The following GPR107 variants were observed in gnomAD, a reference collection of about 807,000 sequenced individuals.
GPR107 encodes G protein-coupled receptor 107.
GPR107 carries 31 observed loss-of-function variants against 75.5 expected under a neutral mutation model. That is an observed-to-expected ratio of 0.41 (90% CI 0.31 to 0.55). The LOEUF is 0.55. Ranked by LOEUF, GPR107 falls within the 20% of genes least tolerant of loss-of-function variation. The pLI, the probability that GPR107 is intolerant of heterozygous loss-of-function variation, is 0.26. For missense variants in GPR107, 572 were observed against 665.7 expected (o/e 0.86, Z 1.55); for synonymous variants, 267 against 251.3 (o/e 1.06, Z -0.59).
At chr9:130,084,713 C>A (rs534534113) in intron 6 of GPR107, among the ~76,000 whole-genome samples, 2 of 151,280 alleles carry the variant, frequency 1.3e-5, no homozygotes, top group East Asian at 3.9e-4. Flanking sequence ...GAGGCTAAGG[C>A]TACAGTGAGC....
chr9:130,054,182 C>A, intron 1 of GPR107, 109 bp downstream of exon 1: 2 of 1,084,504 alleles, frequency 1.8e-6, no homozygotes, highest in Non-Finnish European at 2.6e-6. Flanking sequence ...CACCTCTTTG[C>A]CCCTGGCTGC....
At position 130,100,702 on chromosome 9, in the gene GPR107, T is replaced by G; in HGVS notation, c.1013T>G (p.Leu338Arg). 1.2e-6 allele frequency: 2 copies of G among 1,601,964 alleles called. No individual in the cohort carries two copies. Among genetic ancestry groups the G allele is most frequent in the Non-Finnish European group, 1.7e-6 (2 of 1,168,780 alleles). Reference sequence around the variant, plus strand: ...GCTGTTGTGTACTACATAACTCACCTGTAAGTATGCAGGTCCATGTGAAAT... The same window carrying G: ...GCTGTTGTGTACTACATAACTCACCGGTAAGTATGCAGGTCCATGTGAAAT... The part of the protein sequence containing the change: ...GWAVVYYITH[L>R]LKGALLFITI... The change falls in exon 11 of 18, where the codon CTT becomes CGT. Residue 338 changes from leucine (L) to arginine (R), a missense_variant and splice_region_variant. Physicochemically the swap from Leu to Arg is moderately radical, Grantham distance 102. Coordinates refer to ENST00000347136, the MANE Select transcript of GPR107 (RefSeq NM_020960.5).
chr9:130,132,942 C>CT (rs1219780824), intron 17 of GPR107: 4 of 151,972 alleles, frequency 2.6e-5, no homozygotes, highest in Non-Finnish European at 4.4e-5. Context: ...TATATTTCTT[C>CT]TTTTTGGAAA....
chr9:130,085,637 T>C (rs1830595312), intron 6 of GPR107, among the ~76,000 whole-genome samples: 1 of 152,130 alleles, frequency 6.6e-6, no homozygotes, highest in African/African-American at 2.4e-5. Context: ...TATAACTGAA[T>C]TATGCAGCAC....
At chr9:130,074,591 G>T (rs1192256615) in intron 1 of GPR107, among the ~76,000 whole-genome samples, 2 of 152,014 alleles carry the variant, frequency 1.3e-5, no homozygotes, top group Non-Finnish European at 2.9e-5. Flanking sequence ...AAGCAGGTGG[G>T]GTAGGCGTCT....
At chr9:130,127,628 TA>T in intron 16 of GPR107, 62 bp downstream of exon 16, 1 of 874,770 alleles carries the variant, frequency 1.1e-6, no homozygotes, top group South Asian at 1.4e-5. Flanking sequence ...TCTTGAAGTG[TA>T]ACTTAACAGT....
chr9:130,099,827 T>G (rs532493845), intron 10 of GPR107, among the ~76,000 whole-genome samples: 1 of 149,108 alleles, frequency 6.7e-6, no homozygotes, highest in East Asian at 2.0e-4. Context: ...TTTTTACCAT[T>G]TCTAGAGATG....
intron 15 of GPR107, among the ~76,000 whole-genome samples, chr9:130,126,988 C>G (rs1733265944): frequency 1.3e-5 from 2 of 152,182 alleles, no homozygotes; most frequent in Non-Finnish European, 2.9e-5. Flanking sequence ...ATGAAGGCAT[C>G]CTGTCTTGCT....
At position 130,102,865 on chromosome 9, in the gene GPR107, C is replaced by A. The variant is rs1463840233; in HGVS notation, c.1132-1555C>A. Among the ~76,000 whole-genome samples, 5 of 152,160 alleles carry A rather than the reference C, an allele frequency of 3.3e-5. No individual in the cohort carries two copies. In the East Asian group the frequency reaches 9.6e-4, roughly 29 times the overall value. On this transcript the variant is annotated intron_variant, in intron 12 of 17. Coordinates refer to ENST00000347136, the MANE Select transcript of GPR107 (RefSeq NM_020960.5). ...CAGTGGTGATCATGGCTCACTGCAG[C>A]CCTAAACTCCTGGGCTCAGGCGATC...
rs1216315384 is a variant in GPR107 at position 130,053,953 on chromosome 9, C to G, written c.21C>G (p.Val7=). The G allele has an allele frequency of 1.3e-6, 2 of 1,555,796 alleles. No homozygotes were observed. Among genetic ancestry groups the G allele is most frequent in the Non-Finnish European group, 1.7e-6 (2 of 1,151,362 alleles). The change falls in exon 1 of 18, where the codon GTC becomes GTG. Residue 7 remains valine, a synonymous_variant. Transcript: ENST00000347136. MAALAP[V]GSPASRGPRL... is the part of the protein sequence containing the mutation. ...CAAACATGGCCGCTCTGGCGCCCGT[C>G]GGCTCCCCCGCCTCCCGCGGTCCTA...
intron 1 of GPR107, among the ~76,000 whole-genome samples, chr9:130,073,558 C>T (rs559266066): frequency 6.6e-6 from 1 of 152,222 alleles, no homozygotes; most frequent in East Asian, 1.9e-4. Context: ...CTCCAGCCCA[C>T]CAGGAAGTGG....
intron 14 of GPR107, among the ~76,000 whole-genome samples, chr9:130,122,167 A>G (rs970839436): frequency 3.9e-5 from 6 of 152,212 alleles, no homozygotes; most frequent in African/African-American, 1.2e-4. Context: ...CTGGGATTAC[A>G]GGCATGAGCC....
chr9:130,073,185 TGGCA>T (rs1830253021), intron 1 of GPR107, among the ~76,000 whole-genome samples: 1 of 152,232 alleles, frequency 6.6e-6, no homozygotes, highest in African/African-American at 2.4e-5. Context: ...TTGTTTTATG[TGGCA>T]GAAATTGTGT....
At chr9:130,109,540 G>C (rs1831241260) in intron 14 of GPR107, among the ~76,000 whole-genome samples, 1 of 149,562 alleles carries the variant, frequency 6.7e-6, no homozygotes, top group African/African-American at 2.5e-5. Context: ...TATTATATTT[G>C]TAACTTGGTG....
chr9:130,079,361 G>A (rs552947886), intron 4 of GPR107, among the ~76,000 whole-genome samples: 61 of 152,356 alleles, frequency 4.0e-4, no homozygotes, highest in African/African-American at 1.5e-3. Flanking sequence ...GGAGAAAGAT[G>A]TACCTCAGAA....
At chr9:130,091,102 T>G (rs964890790) in intron 8 of GPR107, 119 bp downstream of exon 8, 2 of 647,686 alleles carry the variant, frequency 3.1e-6, no homozygotes, top group Admixed American at 5.7e-5. Flanking sequence ...AGACACACAT[T>G]CCTGCCACTG....
At chr9:130,074,460 C>A (rs1201084382) in intron 1 of GPR107, among the ~76,000 whole-genome samples, 1 of 152,150 alleles carries the variant, frequency 6.6e-6, no homozygotes, top group Non-Finnish European at 1.5e-5. Flanking sequence ...AAAATTGTTA[C>A]ACAACATAAA....
chr9:130,068,525 C>T (rs975492578), intron 1 of GPR107, among the ~76,000 whole-genome samples: 9 of 152,146 alleles, frequency 5.9e-5, no homozygotes, highest in African/African-American at 1.9e-4. Context: ...GAAGCTAGCT[C>T]AGTTAAGTGT....
chr9:130,061,981 G>C (rs1386974743), intron 1 of GPR107, among the ~76,000 whole-genome samples: 1 of 151,916 alleles, frequency 6.6e-6, no homozygotes, highest in Non-Finnish European at 1.5e-5. Flanking sequence ...AATGAGGTTA[G>C]AGCTTATGTC....
Sources: gnomAD v4.1 joint callset for allele counts (sites outside exome capture counted in the v4.1 genomes callset) on GRCh38, gnomAD v4.1.1 for gene constraint, MANE v1.5 for transcripts, NCBI Gene and HGNC (gene_info 2026-07-23, HGNC 2026-07-21) for gene names.